The following CAND2 variants were observed in gnomAD, a reference collection of about 807,000 sequenced individuals.
The protein encoded by CAND2 is cullin associated and neddylation dissociated 2 (putative), also known as cullin-associated NEDD8-dissociated protein 2.
In CAND2, 62 loss-of-function variants were observed where a neutral mutation model predicts 98.9. That is an observed-to-expected ratio of 0.63 (90% CI 0.51 to 0.77). CAND2 has a LOEUF of 0.77. Ranked by LOEUF, CAND2 falls within the 30% of genes least tolerant of loss-of-function variation. The probability of loss-of-function intolerance (pLI) is 0.00; values close to 1 mark genes in which losing one functional copy is unlikely to be tolerated. For missense variants in CAND2, 1,501 were observed against 1,655.2 expected, an observed-to-expected ratio of 0.91 and a Z score of 1.62; for synonymous variants, 770 against 731.9, an observed-to-expected ratio of 1.05 and a Z score of -0.84.
At chr3:12,818,730 T>C (rs150111913) in intron 10 of CAND2, among the ~76,000 whole-genome samples, 1 of 152,346 alleles carries the variant, frequency 6.6e-6, no homozygotes, top group East Asian at 1.9e-4. Context: ...TAATTAATAC[T>C]GAGTAAATCA....
intron 2 of CAND2, chr3:12,806,992 G>T (rs9852222): frequency 0.5 from 123,704 of 246,302 alleles, 33,598 homozygotes; most frequent in Non-Finnish European, 0.6. Flanking sequence ...TGGAGGTGGG[G>T]CCCAGCCATC....
rs1482962857 is a variant in CAND2, at chr3:12,816,411, C to A, written c.1479C>A (p.Ser493=). 3.7e-6 allele frequency: 6 copies of A among 1,613,492 alleles called. No homozygotes were observed. The Admixed American group carries it at 5.0e-5, about 13-fold the overall frequency. Residue 493 remains serine (S), a synonymous_variant, in exon 10 of 15, where the codon TCC becomes TCA. Transcript: ENST00000456430. ...IFSLADRSSS[S]TIRMDALAFL... is the part of the protein sequence containing the mutation. ...CGCTGGCCGACCGCTCCAGCTCCTC[C>A]ACCATCCGGATGGATGCCCTGGCCT...
At chr3:12,805,291 CTT>C (rs1188131385) in intron 2 of CAND2, among the ~76,000 whole-genome samples, 12 of 140,508 alleles carry the variant, frequency 8.5e-5, no homozygotes, top group Admixed American at 7.2e-5. Flanking sequence ...TTTTTTTCTT[CTT>C]TTTTTTTTTT....
At chr3:12,833,644 T>G in intron 14 of CAND2, 111 bp from the exon 15 acceptor site, 2 of 846,050 alleles carry the variant, frequency 2.4e-6, no homozygotes, top group Non-Finnish European at 3.9e-6. Flanking sequence ...GCAGCAGGGA[T>G]TTATGTTGGG....
chr3:12,807,268 C>T (rs1470714964), intron 2 of CAND2, 38 bp from the exon 3 acceptor site: 2 of 1,543,242 alleles, frequency 1.3e-6, no homozygotes, highest in Admixed American at 4.0e-5. Context: ...CAGGCTGAAC[C>T]TTGTGCCCTT....
chr3:12,800,095 G>A (rs1337180630), intron 1 of CAND2, among the ~76,000 whole-genome samples: 1 of 152,220 alleles, frequency 6.6e-6, no homozygotes, highest in Non-Finnish European at 1.5e-5. Context: ...AGGGGTGCAT[G>A]TGCTCACCTC....
intron 5 of CAND2, among the ~76,000 whole-genome samples, chr3:12,812,340 C>T (rs1235628663): frequency 6.7e-6 from 1 of 149,060 alleles, no homozygotes; most frequent in Non-Finnish European, 1.5e-5. Context: ...TCTCCTGCCT[C>T]AGCCTCCTGA....
intron 5 of CAND2, 123 bp downstream of exon 5, chr3:12,810,447 G>C (rs975004227): frequency 3.6e-5 from 32 of 879,664 alleles, no homozygotes; most frequent in Non-Finnish European, 4.8e-5. Context: ...TGGGCCGTCT[G>C]CCTTGGTAGG....
intron 10 of CAND2, 127 bp downstream of exon 10, chr3:12,818,003 G>C: frequency 2.4e-6 from 2 of 835,200 alleles, no homozygotes; most frequent in Non-Finnish European, 3.4e-6. Flanking sequence ...GTATCTATAC[G>C]ACAGAGGCAA....
chr3:12,833,657 A>G, intron 14 of CAND2, 98 bp from the exon 15 acceptor site: 1 of 920,216 alleles, frequency 1.1e-6, no homozygotes, highest in Non-Finnish European at 1.7e-6. Flanking sequence ...ATGTTGGGGA[A>G]GATGATGGGG....
At position 12,816,930 on chromosome 3, in the gene CAND2, G is replaced by A; in HGVS notation, c.1998G>A (p.Arg666=). Residue 666 remains arginine (R), a synonymous_variant, in exon 10 of 15, where the codon CGG becomes CGA. Coordinates refer to ENST00000456430, the MANE Select transcript of CAND2 (RefSeq NM_001162499.2). ...ILASFLRKNQ[R]ALRLATLAAL... ...CCTCATTCCTGCGGAAGAACCAGCG[G>A]GCTTTGCGACTGGCCACACTGGCAG... 1 of 1,613,690 alleles carries A rather than the reference G, an allele frequency of 6.2e-7. No homozygotes were observed.
At chr3:12,811,232 C>T (rs1194126956) in intron 5 of CAND2, among the ~76,000 whole-genome samples, 1 of 152,214 alleles carries the variant, frequency 6.6e-6, no homozygotes, top group Admixed American at 6.5e-5. Context: ...GAGGCCTGCG[C>T]AGGCTCGGAC....
chr3:12,807,854 G>A (rs913491058), intron 3 of CAND2, among the ~76,000 whole-genome samples: 3 of 152,156 alleles, frequency 2.0e-5, no homozygotes, highest in African/African-American at 7.2e-5. Context: ...GAAACCCCCA[G>A]AGGACTTCCA....
chr3:12,808,479 A>C, intron 4 of CAND2, 146 bp downstream of exon 4: 7 of 911,526 alleles, frequency 7.7e-6, no homozygotes, highest in Non-Finnish European at 1.2e-5. Context: ...AGGAGAACTC[A>C]ATTGTCACAA....
At chr3:12,829,270 T>C (rs2062030863) in intron 13 of CAND2, among the ~76,000 whole-genome samples, 1 of 152,148 alleles carries the variant, frequency 6.6e-6, no homozygotes, top group South Asian at 2.1e-4. Context: ...CTCGGCCTCT[T>C]GAGTAGCTGG....
At position 12,831,637 on chromosome 3, in the gene CAND2, C is replaced by A. The variant is rs886394911; in HGVS notation, c.3483+65C>A. ...CCTATGGAGTCCTCGGCCAGTCGTT[C>A]AGTTACCCTTACTGAGCACTTCCTG... On this transcript the variant is annotated intron_variant, in intron 14 of 14. Coordinates refer to ENST00000456430, the MANE Select transcript of CAND2 (RefSeq NM_001162499.2). 10 of 954,308 alleles carry A rather than the reference C, an allele frequency of 1.0e-5. No homozygotes were observed. The Admixed American group carries it at 2.1e-4, about 20-fold the overall frequency. The allele number at this position is 954,308 out of a possible 1,614,324, so 59.1% of individuals were successfully genotyped here. A position where few individuals can be genotyped will look rare whatever the true frequency, so the allele number is the denominator to read the frequency against.
rs752334863 is a variant in CAND2 at position 12,834,260 on chromosome 3, G to A, written c.*278G>A. 1.9e-5 allele frequency: 9 copies of A among 464,828 alleles called. No individual in the cohort carries two copies. Among genetic ancestry groups the A allele is most frequent in the Admixed American group, 6.7e-5 (2 of 29,864 alleles). 28.8% of individuals were successfully genotyped at this position (464,828 alleles called of 1,614,324 possible). Reference sequence around the variant, plus strand: ...GGAAGTTTTCCAGTGACTTCACACTGTACCCCTCCATAGTCTGTCTGGTTC... The same window carrying A: ...GGAAGTTTTCCAGTGACTTCACACTATACCCCTCCATAGTCTGTCTGGTTC... On this transcript the variant is annotated 3_prime_UTR_variant, in exon 15 of 15. Transcript: ENST00000456430.
At position 12,810,059 on chromosome 3, in the gene CAND2, G is replaced by T; in HGVS notation, c.492G>T (p.Arg164Ser). The stretch of plus-strand genomic sequence containing the variant: ...CCTGATGCCCCCTCGTGCTCCCCAG[G>T]CTGGGTGTCCCGCTGGGCGCCTTCC... The part of the protein sequence containing the change: ...ALDILSDMLS[R>S]LGVPLGAFHA... The change falls in exon 5 of 15, where the codon AGG becomes AGT. Residue 164 changes from arginine to serine, a missense_variant and splice_region_variant. Arg to Ser is a moderately radical substitution (Grantham distance 110, BLOSUM62 -1). Around this residue, in one of 3 missense-constraint regions of CAND2, gnomAD observed 1,427 missense variants for 1,545.3 expected, o/e 0.92. Coordinates refer to ENST00000456430, the MANE Select transcript of CAND2 (RefSeq NM_001162499.2). 1.4e-6 allele frequency: 2 copies of T among 1,423,838 alleles called. No homozygotes were observed. Among genetic ancestry groups the T allele is most frequent in the Non-Finnish European group, 1.8e-6 (2 of 1,089,600 alleles). 88.2% of individuals were successfully genotyped at this position (1,423,838 alleles called of 1,614,324 possible). A position where few individuals can be genotyped will look rare whatever the true frequency, so the allele number is the denominator to read the frequency against.
At chr3:12,824,852 G>A (rs928771912) in intron 11 of CAND2, among the ~76,000 whole-genome samples, 2 of 151,172 alleles carry the variant, frequency 1.3e-5, no homozygotes, top group Non-Finnish European at 3.0e-5. Flanking sequence ...AGGTTGCAGT[G>A]TGCCGAGATC....
Sources: gnomAD v4.1 joint callset for allele counts (sites outside exome capture counted in the v4.1 genomes callset) on GRCh38, gnomAD v4.1.1 for gene constraint, gnomAD v4.1.1 regional missense constraint, MANE v1.5 for transcripts, NCBI Gene and HGNC (gene_info 2026-07-23, HGNC 2026-07-21) for gene names.